Variants in ERAP2 observed in about 807,000 individuals in gnomAD.
ERAP2 encodes the protein endoplasmic reticulum aminopeptidase 2, also known as leukocyte-derived arginine aminopeptidase.
ERAP2 carries 118 observed loss-of-function variants against 111.1 expected under a neutral mutation model. The ratio of observed to expected loss-of-function variants is 1.06; its 90% CI spans 0.92 to 1.24. ERAP2 has a LOEUF of 1.24. Ranked by LOEUF, ERAP2 falls within the 50% of genes most tolerant of loss-of-function variation. The pLI is 0.00. For missense variants in ERAP2, 1,131 were observed against 1,125.8 expected, an observed-to-expected ratio of 1.00 and a Z score of -0.07; for synonymous variants, 410 against 401.2, an observed-to-expected ratio of 1.02 and a Z score of -0.26.
intron 18 of ERAP2, among the ~76,000 whole-genome samples, chr5:96,916,081 T>C (rs1295165465): frequency 6.6e-6 from 1 of 151,858 alleles, no homozygotes; most frequent in Non-Finnish European, 1.5e-5. Flanking sequence ...ATTAGCAGAA[T>C]GTGGTGGCAC....
At chr5:96,905,586 T>C (rs1785977028) in intron 13 of ERAP2, among the ~76,000 whole-genome samples, 1 of 152,178 alleles carries the variant, frequency 6.6e-6, no homozygotes, top group Admixed American at 6.5e-5. Flanking sequence ...GAAACTTCAA[T>C]TTAAGAATTA....
chr5:96,881,135 T>C (rs1430846903), intron 2 of ERAP2: 12 of 310,756 alleles, frequency 3.9e-5, no homozygotes, highest in Non-Finnish European at 7.6e-5. Context: ...TGGGGCGTCT[T>C]GTAAGGAGTT....
rs1784084298 is a variant in ERAP2, at chr5:96,889,301, A to C, written c.966A>C (p.Lys322Asn). ...TTGATATCTACTATCCACTCTCCAA[A>C]CTGGGTATGTTCAAATTCCACATTA... ...KYFDIYYPLS[K>N]LDLIAIPDFA... Residue 322 changes from lysine to asparagine, a missense_variant, in exon 5 of 19, where the codon AAA (lysine) becomes AAC (asparagine). Transcript: ENST00000437043. 6.2e-7 allele frequency: 1 copy of C among 1,613,826 alleles called. No homozygotes were observed. Among genetic ancestry groups the C allele is most frequent in the Admixed American group, 1.7e-5 (1 of 59,990 alleles).
At chr5:96,909,232 A>G (rs994658349) in intron 14 of ERAP2, 115 bp downstream of exon 14, 1 of 931,830 alleles carries the variant, frequency 1.1e-6, no homozygotes, top group African/African-American at 1.7e-5. Flanking sequence ...AGCTCGGGGG[A>G]CTGACTGATA....
intron 3 of ERAP2, among the ~76,000 whole-genome samples, 174 bp from the exon 4 acceptor site, chr5:96,886,481 C>T (rs2303209): frequency 0.51 from 77,476 of 151,622 alleles, 19,959 homozygotes; most frequent in Middle Eastern, 0.6. Flanking sequence ...GGGGTAAAAG[C>T]AATGGAGGTA....
At chr5:96,911,099 A>G (rs1786683122) in intron 15 of ERAP2, among the ~76,000 whole-genome samples, 2 of 152,390 alleles carry the variant, frequency 1.3e-5, no homozygotes, top group South Asian at 4.1e-4. Context: ...CATTAGAATC[A>G]TAGGGTTAAA....
rs968780756 is a variant in ERAP2 at position 96,917,929 on chromosome 5, GAAA to G, written c.*327_*329del. On this transcript the variant is annotated 3_prime_UTR_variant, in exon 19 of 19. Transcript: ENST00000437043. ...TCAAAAAAAAAAAAAAAAAAAAAAA[GAAA>G]AAGAAAAAGAAAAGAAAAGAAAAGG... is the stretch of plus-strand genomic sequence containing the variant. 2 of 128,306 alleles carry G rather than the reference GAAA, an allele frequency of 1.6e-5. No individual in the cohort carries two copies. Among genetic ancestry groups the G allele is most frequent in the Non-Finnish European group, 3.2e-5 (2 of 61,608 alleles). 7.9% of individuals were successfully genotyped at this position (128,306 alleles called of 1,614,324 possible). A position where few individuals can be genotyped will look rare whatever the true frequency, so the allele number is the denominator to read the frequency against.
intron 1 of ERAP2, among the ~76,000 whole-genome samples, chr5:96,877,525 T>G (rs1782671565): frequency 6.6e-6 from 1 of 152,258 alleles, no homozygotes; most frequent in African/African-American, 2.4e-5. Flanking sequence ...CATGCTGTGC[T>G]GTGCCAACTT....
intron 2 of ERAP2, among the ~76,000 whole-genome samples, chr5:96,880,589 T>G (rs931364985): frequency 6.6e-6 from 1 of 152,218 alleles, no homozygotes; most frequent in African/African-American, 2.4e-5. Context: ...GAAGTGAGTC[T>G]TCATCTGGGA....
chr5:96,876,312 T>A (rs1479249353), upstream of ERAP2: 1 of 152,364 alleles, frequency 6.6e-6, no homozygotes, highest in African/African-American at 2.4e-5. Context: ...ATGGTTTGGC[T>A]TCTACTCCAA....
chr5:96,896,290 C>A, intron 7 of ERAP2, 83 bp from the exon 8 acceptor site: 1 of 1,115,712 alleles, frequency 9.0e-7, no homozygotes, highest in South Asian at 1.6e-5. Flanking sequence ...CCTCTAAGAA[C>A]ATCTTACTAA....
intron 10 of ERAP2, among the ~76,000 whole-genome samples, chr5:96,901,175 T>G (rs183392058): frequency 8.1e-6 from 1 of 123,872 alleles, no homozygotes; most frequent in Admixed American, 8.6e-5. Flanking sequence ...GGGTTTTGTT[T>G]GTTTGTTTGT....
At chr5:96,901,767 C>A in intron 11 of ERAP2, 86 bp downstream of exon 11, 1 of 1,356,174 alleles carries the variant, frequency 7.4e-7, no homozygotes, top group Non-Finnish European at 1.0e-6. Context: ...CATCTGGCAA[C>A]TTTGTAGGAT....
At chr5:96,909,183 G>A in intron 14 of ERAP2, 66 bp downstream of exon 14, 1 of 1,530,738 alleles carries the variant, frequency 6.5e-7, no homozygotes, top group Non-Finnish European at 9.0e-7. Context: ...GTCAGGCTCA[G>A]TTTGTTTTGT....
At position 96,912,394 on chromosome 5, in the gene ERAP2, G is replaced by C. The variant is rs940285335; in HGVS notation, c.2355-243G>C. On this transcript the variant is annotated intron_variant, in intron 15 of 18. Coordinates refer to ENST00000437043, the MANE Select transcript of ERAP2 (RefSeq NM_022350.5). ...AACTTTCTATTTTCACCTCAGAGTA[G>C]GTTAAAATTTTATGCTTATTTTCTT... Among the ~76,000 whole-genome samples the C allele has an allele frequency of 3.3e-5, 5 of 151,620 alleles. No individual in the cohort carries two copies. The South Asian group carries it at 1.0e-3, about 32-fold the overall frequency.
At position 96,909,729 on chromosome 5, in the gene ERAP2, C is replaced by G; in HGVS notation, c.2319C>G (p.Leu773=). The G allele has an allele frequency of 6.2e-7, 1 of 1,614,182 alleles. No homozygotes were observed. Among genetic ancestry groups the G allele is most frequent in the South Asian group, 1.1e-5 (1 of 91,078 alleles). The change falls in exon 15 of 19, where the codon CTC becomes CTG. Residue 773 remains leucine, a synonymous_variant. Transcript: ENST00000437043. ...HAPCIQKAAE[L]FSQWMESSGK... ...CTTGCATCCAGAAAGCTGCTGAACT[C>G]TTCTCCCAGTGGATGGAATCCAGTG...
At chr5:96,907,067 T>C (rs1166183460) in intron 13 of ERAP2, among the ~76,000 whole-genome samples, 2 of 152,092 alleles carry the variant, frequency 1.3e-5, no homozygotes, top group Non-Finnish European at 2.9e-5. Context: ...AAAACCCAAA[T>C]TGGTGCTTCA....
At chr5:96,903,310 C>T (rs1785683909) in intron 12 of ERAP2, 67 bp from the exon 13 acceptor site, 1 of 1,204,500 alleles carries the variant, frequency 8.3e-7, no homozygotes, top group Non-Finnish European at 1.1e-6. Context: ...TTAAAAATAA[C>T]AGTTCTGGAG....
rs781277545 is a variant in ERAP2 at position 96,917,566 on chromosome 5, T to A, written c.2844T>A (p.Asn948Lys). Residue 948 changes from asparagine to lysine, a missense_variant, in exon 19 of 19, where the codon AAT becomes AAA. Asn to Lys is a moderately conservative substitution (Grantham distance 94). Transcript: ENST00000437043. ...AAAATATAAAATGGCTGGAGAAGAATCTTCCGACTCTGAGGACTTGGCTAA... is the reference window on the plus strand; with the variant it reads ...AAAATATAAAATGGCTGGAGAAGAAACTTCCGACTCTGAGGACTTGGCTAA... ...ITKNIKWLEKNLPTLRTWLMV... is the reference protein window; with the variant it reads ...ITKNIKWLEKKLPTLRTWLMV... The A allele has an allele frequency of 3.1e-6, 5 of 1,613,766 alleles. No homozygotes were observed. In the Admixed American group the frequency reaches 6.7e-5, roughly 22 times the overall value.
Sources: allele counts gnomAD v4.1 joint callset (sites outside exome capture counted in the v4.1 genomes callset), GRCh38; gene constraint gnomAD v4.1.1; transcripts MANE v1.5; gene names NCBI Gene and HGNC (gene_info 2026-07-23, HGNC 2026-07-21).